PCBP3: variants seen among roughly 807,000 people sequenced by gnomAD.
PCBP3 encodes poly(rC)-binding protein 3.
In PCBP3, 25 loss-of-function variants were observed where a neutral mutation model predicts 52.7. The ratio of observed to expected loss-of-function variants is 0.47; its 90% confidence interval spans 0.35 to 0.66. The LOEUF is 0.66. Ranked by LOEUF, PCBP3 falls within the 30% of genes least tolerant of loss-of-function variation. The pLI is 0.01. For missense variants in PCBP3, 391 were observed against 490.3 expected, an observed-to-expected ratio of 0.80 and a Z score of 1.91; for synonymous variants, 162 against 183.0, an observed-to-expected ratio of 0.89 and a Z score of 0.93.
chr21:45,803,262 T>C (rs1052025205), intron 4 of PCBP3, among the ~76,000 whole-genome samples: 2 of 152,244 alleles, frequency 1.3e-5, no homozygotes, highest in African/African-American at 4.8e-5. Context: ...TTTTTGCACA[T>C]GCAGCTGGCC....
At chr21:45,901,713 G>GAA (rs2096055651) in intron 9 of PCBP3, 1 of 130,798 alleles carries the variant, frequency 7.6e-6, no homozygotes, top group African/African-American at 4.0e-5. Context: ...GAGGAAGACA[G>GAA]AGAGAGAGAG....
intron 1 of PCBP3, among the ~76,000 whole-genome samples, chr21:45,659,339 T>G (rs1157837574): frequency 7.6e-6 from 1 of 130,842 alleles, no homozygotes; most frequent in Admixed American, 7.3e-5. Flanking sequence ...TTACTTTCCT[T>G]TTTTTTTTTT....
At chr21:45,762,486 C>CTTTTT (rs1401689005) in intron 4 of PCBP3, 5 of 95,256 alleles carry the variant, frequency 5.2e-5, no homozygotes, top group African/African-American at 1.6e-4. Flanking sequence ...CTTTTCTTTT[C>CTTTTT]TTCTCTTTTT....
intron 4 of PCBP3, among the ~76,000 whole-genome samples, chr21:45,814,685 GTGAGTGGTGAGTGA>G (rs1429269442): frequency 8.0e-5 from 11 of 136,718 alleles, no homozygotes; most frequent in East Asian, 2.4e-4. Flanking sequence ...TGAGTGGTGA[GTGAGTGGTGAGTGA>G]TGAGTGGTGA....
intron 5 of PCBP3, among the ~76,000 whole-genome samples, chr21:45,876,315 C>T (rs996280195): frequency 6.6e-6 from 1 of 152,190 alleles, no homozygotes; most frequent in Non-Finnish European, 1.5e-5. Context: ...GTAGGAGGCA[C>T]ACTCTTACGT....
chr21:45,734,332 A>G (rs2085688901), intron 2 of PCBP3, among the ~76,000 whole-genome samples: 1 of 152,018 alleles, frequency 6.6e-6, no homozygotes, highest in African/African-American at 2.4e-5. Context: ...CCTGTAGTCC[A>G]CTCACTCACA....
At chr21:45,719,653 G>A (rs2084481407) in intron 2 of PCBP3, among the ~76,000 whole-genome samples, 1 of 152,164 alleles carries the variant, frequency 6.6e-6, no homozygotes, top group South Asian at 2.1e-4. Flanking sequence ...CTGTTAAGAA[G>A]GTGCCTGCTT....
chr21:45,774,388 C>CAAA (rs902926846), intron 4 of PCBP3, among the ~76,000 whole-genome samples: 1 of 108,798 alleles, frequency 9.2e-6, no homozygotes, highest in Non-Finnish European at 1.9e-5. Context: ...GACTCCATCT[C>CAAA]AAAAAAAAAA....
At chr21:45,923,176 T>G (rs2074702730) in intron 13 of PCBP3, among the ~76,000 whole-genome samples, 1 of 152,216 alleles carries the variant, frequency 6.6e-6, no homozygotes. Context: ...TGCTTTCTCC[T>G]CCCACTTGTT....
At chr21:45,843,162 C>CACCGCTGTGTCA (rs2093733866) in intron 4 of PCBP3, among the ~76,000 whole-genome samples, 6 of 145,892 alleles carry the variant, frequency 4.1e-5, no homozygotes, top group African/African-American at 1.7e-4. Flanking sequence ...TCAGGGTTCT[C>CACCGCTGTGTCA]TTCTGTTTGT....
Position 45,656,439 on chromosome 21 carries a change from A to G in PCBP3, c.-278-12435A>G, listed in dbSNP as rs1280961917. Among the ~76,000 whole-genome samples the G allele has an allele frequency of 6.6e-6, 1 of 152,194 alleles. No individual in the cohort carries two copies. Among genetic ancestry groups the G allele is most frequent in the Non-Finnish European group, 1.5e-5 (1 of 68,038 alleles). On this transcript the variant is annotated intron_variant, in intron 1 of 17. Transcript: ENST00000681687. The surrounding 1 kb of genome is among the most constrained non-coding windows in gnomAD (Gnocchi z 4.3). ...GTTCTCACTCATAAGTGGGAGTTGA[A>G]CAATGAGAACACATGGACACAGGGA...
In PCBP3 at chr21:45,895,022, G is replaced by C. The variant is rs368862142; in HGVS notation, c.11-1186G>C. 1.2e-4 allele frequency among the ~76,000 whole-genome samples: 19 copies of C among 152,314 alleles called. No individual in the cohort carries two copies. In the East Asian group the frequency reaches 2.3e-3, roughly 19 times the overall value. On this transcript the variant is annotated intron_variant, in intron 5 of 17. Coordinates refer to ENST00000681687, the MANE Select transcript of PCBP3 (RefSeq NM_001384156.1). ...CCTATACATGTGTTTTTAAGCACAG[G>C]TGTAGACAGCGTAAGCGCGGGTGTA...
chr21:45,711,152 A>G (rs970870384), intron 2 of PCBP3, among the ~76,000 whole-genome samples: 1 of 152,304 alleles, frequency 6.6e-6, no homozygotes, highest in South Asian at 2.1e-4. Flanking sequence ...TAAGAAACCA[A>G]TATCTAGGTG....
At chr21:45,698,637 A>G (rs544814850) in intron 2 of PCBP3, among the ~76,000 whole-genome samples, 1 of 152,340 alleles carries the variant, frequency 6.6e-6, no homozygotes, top group South Asian at 2.1e-4. Context: ...GGAATGTGGG[A>G]GCCAAAAGGC....
intron 2 of PCBP3, among the ~76,000 whole-genome samples, chr21:45,687,986 C>G (rs1195712242): frequency 4.6e-5 from 7 of 152,140 alleles, no homozygotes; most frequent in Non-Finnish European, 4.4e-5. Context: ...CTGCCTTGGC[C>G]TCCCAAAGTT....
chr21:45,837,874 T>A lies in PCBP3; in HGVS notation c.-125-12087T>A, dbSNP rs190259108. Among the ~76,000 whole-genome samples, 14 of 152,318 alleles carry A rather than the reference T, an allele frequency of 9.2e-5. No homozygotes were observed. The highest frequency in any genetic ancestry group is 1.9e-4 in the Non-Finnish European group (13 of 68,020). ...CACCAGCCTTGCAGCTTGCTGTCAA[T>A]ATTCATTGATGGTCATTGCCTGGAT... is the stretch of plus-strand genomic sequence containing the variant. On this transcript the variant is annotated intron_variant, in intron 4 of 17. Transcript: ENST00000681687. This position sits in a 1 kb window ranked among gnomAD's most constrained non-coding sequence, Gnocchi z 4.1.
At chr21:45,913,475 G>C (rs930655699) in intron 11 of PCBP3, among the ~76,000 whole-genome samples, 1 of 152,146 alleles carries the variant, frequency 6.6e-6, no homozygotes, top group Non-Finnish European at 1.5e-5. Flanking sequence ...CTGTGAAGCC[G>C]TGCAGCCAGG....
chr21:45,666,678 C>T (rs1323652480), intron 1 of PCBP3, among the ~76,000 whole-genome samples: 2 of 150,946 alleles, frequency 1.3e-5, no homozygotes, highest in African/African-American at 4.9e-5. Context: ...TATCCTACAG[C>T]CTTCTAGTTT....
intron 4 of PCBP3, among the ~76,000 whole-genome samples, chr21:45,773,071 TTTTAA>T (rs2090000609): frequency 6.6e-6 from 1 of 152,174 alleles, no homozygotes; most frequent in Non-Finnish European, 1.5e-5. Context: ...TGCAGAAGCT[TTTTAA>T]TTTAATATAG....
Sources: allele counts gnomAD v4.1 joint callset (sites outside exome capture counted in the v4.1 genomes callset), GRCh38; gene constraint gnomAD v4.1.1; non-coding constraint Gnocchi (gnomAD v3.1); transcripts MANE v1.5; gene names NCBI Gene and HGNC (gene_info 2026-07-23, HGNC 2026-07-21).